STK24: variants seen among roughly 807,000 people sequenced by gnomAD.
STK24 encodes serine/threonine kinase 24.
Under a neutral mutation model 55.6 loss-of-function variants are expected in STK24, and 21 were observed. The ratio of observed to expected loss-of-function variants is 0.38; its 90% CI spans 0.27 to 0.54. The LOEUF is 0.54. STK24 is among the 20% of genes least tolerant of loss of function. The probability of loss-of-function intolerance (pLI) is 0.79; values close to 1 mark genes in which losing one functional copy is unlikely to be tolerated. For synonymous variants in STK24, 200 were observed against 215.2 expected (o/e 0.93, Z 0.62); for missense variants, 383 against 538.4 (o/e 0.71, Z 2.86).
intron 3 of STK24, among the ~76,000 whole-genome samples, chr13:98,480,053 A>G (rs1894527944): frequency 6.6e-6 from 1 of 152,158 alleles, no homozygotes; most frequent in African/African-American, 2.4e-5. Context: ...TTCCTGCACC[A>G]ATTAAATGAG....
At chr13:98,463,554 A>G in intron 7 of STK24, 137 bp downstream of exon 7, 1 of 1,090,966 alleles carries the variant, frequency 9.2e-7, no homozygotes, top group Non-Finnish European at 1.3e-6. Flanking sequence ...GCTGTGTCTA[A>G]CACAACAATT....
intron 1 of STK24, among the ~76,000 whole-genome samples, chr13:98,526,752 G>GCT (rs1896440856): frequency 6.6e-6 from 1 of 152,168 alleles, no homozygotes; most frequent in African/African-American, 2.4e-5. Flanking sequence ...GTGAGTGACC[G>GCT]CTTGTCAGCT....
At position 98,445,708 on chromosome 13, in the gene STK24, T is replaced by A. The variant is rs9517306; in HGVS notation, c.*7465A>T. On this transcript the variant is annotated 3_prime_UTR_variant, in exon 11 of 11. Transcript: ENST00000539966. ...TGTCACAGGGCACACCCCTCTCCCC[T>A]CAAGGTGGCTCTTCTCCTCAGGACA... 6.3e-6 allele frequency: 1 copy of A among 158,696 alleles called. No individual in the cohort carries two copies. Among genetic ancestry groups the A allele is most frequent in the East Asian group, 1.9e-4 (1 of 5,298 alleles). The allele number at this position is 158,696 out of a possible 1,614,324, so 9.8% of individuals were successfully genotyped here.
chr13:98,491,457 A>G (rs1400371311), intron 2 of STK24, among the ~76,000 whole-genome samples: 1 of 152,216 alleles, frequency 6.6e-6, no homozygotes, highest in African/African-American at 2.4e-5. Flanking sequence ...TGTAACATCA[A>G]CATCAACTTA....
chr13:98,497,318 T>G (rs1895285979), intron 2 of STK24, among the ~76,000 whole-genome samples: 1 of 152,156 alleles, frequency 6.6e-6, no homozygotes, highest in African/African-American at 2.4e-5. Flanking sequence ...ACTAACCACG[T>G]ATGTTAGGAA....
intron 2 of STK24, among the ~76,000 whole-genome samples, chr13:98,507,763 G>C (rs1895746007): frequency 6.6e-6 from 1 of 152,186 alleles, no homozygotes; most frequent in Non-Finnish European, 1.5e-5. Context: ...CAGGTCTCCA[G>C]ATCTCCAGAG....
intron 1 of STK24, chr13:98,576,357 C>T (rs1398849121): frequency 1.1e-5 from 4 of 365,782 alleles, no homozygotes; most frequent in Non-Finnish European, 1.5e-5. Context: ...AACCCGGCCA[C>T]CACGCAGGGC....
chr13:98,532,756 A>G (rs1896614654), intron 1 of STK24, among the ~76,000 whole-genome samples: 1 of 152,270 alleles, frequency 6.6e-6, no homozygotes, highest in Non-Finnish European at 1.5e-5. Context: ...ATTTTTATAC[A>G]GTAACATGCT....
chr13:98,487,024 T>C (rs1441555984), intron 2 of STK24, among the ~76,000 whole-genome samples: 1 of 152,200 alleles, frequency 6.6e-6, no homozygotes, highest in Non-Finnish European at 1.5e-5. Context: ...ATCAACATCA[T>C]CACCCAGAAA....
intron 2 of STK24, among the ~76,000 whole-genome samples, chr13:98,503,155 G>C (rs1013564387): frequency 6.7e-6 from 1 of 149,790 alleles, no homozygotes; most frequent in Non-Finnish European, 1.5e-5. Flanking sequence ...TACCAAGAGA[G>C]TGTTTTTTAA....
intron 2 of STK24, among the ~76,000 whole-genome samples, chr13:98,511,897 A>C (rs1017021572): frequency 3.4e-5 from 4 of 118,832 alleles, no homozygotes; most frequent in African/African-American, 9.7e-5. Flanking sequence ...TGAGTTTTAC[A>C]GTAATTTTTT....
intron 1 of STK24, among the ~76,000 whole-genome samples, chr13:98,532,970 A>C (rs1896621533): frequency 6.6e-6 from 1 of 152,258 alleles, no homozygotes; most frequent in South Asian, 2.1e-4. Context: ...CCCTACAATA[A>C]TCACATCATC....
chr13:98,464,290 G>T (rs1893842860), intron 6 of STK24, among the ~76,000 whole-genome samples: 1 of 151,496 alleles, frequency 6.6e-6, no homozygotes, highest in African/African-American at 2.4e-5. Flanking sequence ...GTGGTGGTGG[G>T]CGCCTGTAGT....
Position 98,446,880 on chromosome 13 carries a change from G to C in STK24, c.*6293C>G. Reference sequence around the variant, plus strand: ...GAGGACCCCCTCTTCCAAACATCAGGATTTCTCCCAAGTCAGCGAGTGAGA... The same window carrying C: ...GAGGACCCCCTCTTCCAAACATCAGCATTTCTCCCAAGTCAGCGAGTGAGA... On this transcript the variant is annotated 3_prime_UTR_variant, in exon 11 of 11. Transcript: ENST00000539966. The C allele has an allele frequency of 6.4e-7, 1 of 1,571,966 alleles. No individual in the cohort carries two copies. Among genetic ancestry groups the C allele is most frequent in the Non-Finnish European group, 8.7e-7 (1 of 1,147,044 alleles).
intron 2 of STK24, among the ~76,000 whole-genome samples, chr13:98,493,913 G>A (rs1294444633): frequency 6.7e-6 from 1 of 150,050 alleles, no homozygotes; most frequent in Non-Finnish European, 1.5e-5. Context: ...TGCGATCTTG[G>A]CTCACTGCAA....
intron 5 of STK24, among the ~76,000 whole-genome samples, chr13:98,472,245 AT>A (rs1449495867): frequency 6.6e-6 from 1 of 152,254 alleles, no homozygotes; most frequent in Non-Finnish European, 1.5e-5. Context: ...CGTGACCCTC[AT>A]CGGCCCTCAC....
At chr13:98,475,413 T>C (rs1894330159) in intron 3 of STK24, 55 bp from the exon 4 acceptor site, 2 of 1,308,588 alleles carry the variant, frequency 1.5e-6, no homozygotes, top group Middle Eastern at 2.5e-4. Context: ...TATGAAAAGT[T>C]TGAGATAAAA....
chr13:98,549,014 G>T (rs1486975482), intron 1 of STK24, among the ~76,000 whole-genome samples: 1 of 152,102 alleles, frequency 6.6e-6, no homozygotes, highest in African/African-American at 2.4e-5. Context: ...TGGTCATGAG[G>T]CCTCCTGCAA....
At chr13:98,528,755 GT>G (rs1242807968) in intron 1 of STK24, among the ~76,000 whole-genome samples, 1 of 152,184 alleles carries the variant, frequency 6.6e-6, no homozygotes, top group African/African-American at 2.4e-5. Flanking sequence ...CACTTGCACA[GT>G]CAAACCACAC....
Sources: gnomAD v4.1 joint callset for allele counts (sites outside exome capture counted in the v4.1 genomes callset) on GRCh38, gnomAD v4.1.1 for gene constraint, MANE v1.5 for transcripts, NCBI Gene and HGNC (gene_info 2026-07-23, HGNC 2026-07-21) for gene names.